The following CLIP1 variants were observed in gnomAD, a reference collection of about 807,000 sequenced individuals.
CLIP1 encodes CAP-Gly domain-containing linker protein 1.
A neutral mutation model predicts 161.6 loss-of-function variants in CLIP1; 66 were observed. The ratio of observed to expected loss-of-function variants is 0.41; its 90% CI spans 0.33 to 0.50. The LOEUF (loss-of-function observed/expected upper bound fraction) is 0.50, where lower values mean the gene tolerates loss of function less well. Ranked by LOEUF, CLIP1 falls within the 20% of genes least tolerant of loss-of-function variation. CLIP1 has a pLI of 0.27. For synonymous variants in CLIP1, 598 were observed against 626.2 expected, an observed-to-expected ratio of 0.96 and a Z score of 0.67; for missense variants, 1,376 against 1,702.0, an observed-to-expected ratio of 0.81 and a Z score of 3.37.
chr12:122,422,779 C>A, upstream of CLIP1: 1 of 99,420 alleles, frequency 1.0e-5, no homozygotes, highest in South Asian at 2.9e-4. Flanking sequence ...GGCCCGCGCC[C>A]GGCCCCGCGC....
chr12:122,330,597 G>T (rs201540742), intron 15 of CLIP1, among the ~76,000 whole-genome samples: 4 of 101,380 alleles, frequency 3.9e-5, no homozygotes, highest in Admixed American at 1.2e-4. Context: ...GTATAATGCA[G>T]TTTTTTTTTT....
chr12:122,368,268 G>A (rs570018298), intron 3 of CLIP1, among the ~76,000 whole-genome samples: 14 of 152,300 alleles, frequency 9.2e-5, no homozygotes, highest in African/African-American at 3.4e-4. Flanking sequence ...TGGCCATTGA[G>A]GGAGACAGAC....
In CLIP1 at chr12:122,390,380, C is replaced by T. The variant is rs367800059; in HGVS notation, c.-106-9822G>A. On this transcript the variant is annotated intron_variant, in intron 1 of 25. Coordinates refer to ENST00000620786, the MANE Select transcript of CLIP1 (RefSeq NM_001247997.2). ...AGGCTGAAGTGCAGTGGCACAATCTCGGCTCACTGCAACCTCCACCTCCTG... is the reference window on the plus strand; with the variant it reads ...AGGCTGAAGTGCAGTGGCACAATCTTGGCTCACTGCAACCTCCACCTCCTG... Among the ~76,000 whole-genome samples, 12 of 148,696 alleles carry T rather than the reference C, an allele frequency of 8.1e-5. No homozygotes were observed. The South Asian group carries it at 2.3e-3, about 29-fold the overall frequency.
chr12:122,379,520 C>T (rs1477949934), intron 2 of CLIP1, among the ~76,000 whole-genome samples: 3 of 151,600 alleles, frequency 2.0e-5, no homozygotes, highest in African/African-American at 7.3e-5. Flanking sequence ...ACGCTGAGAG[C>T]CATGACAGTA....
chr12:122,379,367 A>C (rs1200294255), intron 2 of CLIP1, among the ~76,000 whole-genome samples: 1 of 151,450 alleles, frequency 6.6e-6, no homozygotes, highest in African/African-American at 2.4e-5. Context: ...TAATCCCAGC[A>C]CTTTGGGAAG....
At chr12:122,318,174 G>T (rs574953452) in intron 18 of CLIP1, among the ~76,000 whole-genome samples, 14 of 152,134 alleles carry the variant, frequency 9.2e-5, no homozygotes, top group Non-Finnish European at 2.1e-4. Flanking sequence ...CTTTACAGTG[G>T]CTCCTCAGTT....
intron 21 of CLIP1, among the ~76,000 whole-genome samples, chr12:122,283,125 A>T (rs1243058463): frequency 1.3e-5 from 2 of 152,202 alleles, no homozygotes; most frequent in South Asian, 2.1e-4. Context: ...GACACTAAAA[A>T]GCCTAGAGAA....
intron 3 of CLIP1, among the ~76,000 whole-genome samples, chr12:122,366,039 C>T (rs959065247): frequency 2.0e-5 from 3 of 151,590 alleles, no homozygotes; most frequent in Admixed American, 6.6e-5. Context: ...AGGCCAGGCA[C>T]GATGGCTCAC....
chr12:122,395,036 T>C (rs1203305649), intron 1 of CLIP1, among the ~76,000 whole-genome samples: 2 of 152,172 alleles, frequency 1.3e-5, no homozygotes, highest in African/African-American at 4.8e-5. Context: ...TGCATCTGAA[T>C]TGAGACCTCT....
rs980784740 is a variant in CLIP1 at position 122,336,543 on chromosome 12, G to C, written c.2568+89C>G. The stretch of plus-strand genomic sequence containing the variant: ...TGAATCAACACTTAGAAAGAGAAAG[G>C]AAACAGCTACAATATTTCTTACTGG... On this transcript the variant is annotated intron_variant, in intron 12 of 25. Coordinates refer to ENST00000620786, the MANE Select transcript of CLIP1 (RefSeq NM_001247997.2). 1.3e-5 allele frequency: 9 copies of C among 697,086 alleles called. No homozygotes were observed. In the African/African-American group the frequency reaches 1.6e-4, roughly 12 times the overall value. 43.2% of individuals were successfully genotyped at this position (697,086 alleles called of 1,614,324 possible). A position where few individuals can be genotyped will look rare whatever the true frequency, so the allele number is the denominator to read the frequency against.
At chr12:122,345,274 C>G (rs1952692210) in intron 10 of CLIP1, among the ~76,000 whole-genome samples, 1 of 151,490 alleles carries the variant, frequency 6.6e-6, no homozygotes, top group Admixed American at 6.6e-5. Flanking sequence ...CTCCTGGGCT[C>G]AAGAGATCCT....
At chr12:122,329,156 G>A (rs1407241166) in intron 15 of CLIP1, among the ~76,000 whole-genome samples, 5 of 151,912 alleles carry the variant, frequency 3.3e-5, no homozygotes, top group East Asian at 1.9e-4. Flanking sequence ...GCGAAACCCC[G>A]TCTCTACTAA....
rs1325492674 is a variant in CLIP1 at position 122,309,792 on chromosome 12, T to C, written c.3564A>G (p.Arg1188=). The C allele has an allele frequency of 6.2e-7, 1 of 1,612,972 alleles. No individual in the cohort carries two copies. The highest frequency in any genetic ancestry group is 1.3e-5 in the African/African-American group (1 of 74,892). Residue 1188 remains arginine, a synonymous_variant, in exon 20 of 26, where the codon AGA becomes AGG. Transcript: ENST00000620786. ...GATGACTTGTGACTTCGTCCCTGCT[T>C]CTCCCCAGCTCCTCAGCAAGTTTAA... ...ENVKLAEELG[R]SRDEVTSHQK... is the part of the protein sequence containing the mutation.
At chr12:122,389,367 C>G (rs1387590699) in intron 1 of CLIP1, among the ~76,000 whole-genome samples, 1 of 152,180 alleles carries the variant, frequency 6.6e-6, no homozygotes, top group Non-Finnish European at 1.5e-5. Flanking sequence ...TTAAATGACT[C>G]TACAAACCAG....
In CLIP1 at chr12:122,351,033, G is replaced by A. The variant is rs551394141; in HGVS notation, c.1401+78C>T. On this transcript the variant is annotated intron_variant, in intron 9 of 25. Coordinates refer to ENST00000620786, the MANE Select transcript of CLIP1 (RefSeq NM_001247997.2). ...GTCAGATTATGCAGTTAGTGTTTGA[G>A]TATATCAATAAGCATTTTAATCTGT... 8.4e-6 allele frequency: 9 copies of A among 1,069,504 alleles called. No individual in the cohort carries two copies. The Admixed American group carries it at 1.1e-4, about 13-fold the overall frequency. The allele number at this position is 1,069,504 out of a possible 1,614,324, so 66.3% of individuals were successfully genotyped here.
At chr12:122,415,023 A>G (rs1593276515) in intron 1 of CLIP1, among the ~76,000 whole-genome samples, 1 of 151,880 alleles carries the variant, frequency 6.6e-6, no homozygotes, top group Admixed American at 6.6e-5. Context: ...ACACCAGTAC[A>G]CTCCAGCCTC....
At position 122,278,888 on chromosome 12, in the gene CLIP1, G is replaced by T. The variant is rs1955537318; in HGVS notation, c.3820C>A (p.Gln1274Lys). 6.2e-7 allele frequency: 1 copy of T among 1,613,362 alleles called. No homozygotes were observed. The highest frequency in any genetic ancestry group is 8.5e-7 in the Non-Finnish European group (1 of 1,179,748). Residue 1274 changes from glutamine to lysine, a missense_variant, in exon 23 of 26, where the codon CAG becomes AAG. Gln to Lys is a moderately conservative substitution (Grantham distance 53, BLOSUM62 1). This residue lies in a region of CLIP1 where 948 missense variants were observed against 1,134.8 expected (regional missense o/e 0.84). Coordinates refer to ENST00000620786, the MANE Select transcript of CLIP1 (RefSeq NM_001247997.2). The stretch of plus-strand genomic sequence containing the variant: ...TTCACCTTATCAGACTCTAGAGTCT[G>T]AACAACTGAATGCAAGGACTTGGCA... Reference protein sequence around the residue: ...ASAKSLHSVVQTLESDKVKLE... With the variant: ...ASAKSLHSVVKTLESDKVKLE...
At chr12:122,303,997 G>A (rs941942887) in intron 20 of CLIP1, among the ~76,000 whole-genome samples, 1 of 152,168 alleles carries the variant, frequency 6.6e-6, no homozygotes, top group African/African-American at 2.4e-5. Flanking sequence ...GGGGGTACCC[G>A]CCCGGACTGC....
chr12:122,331,337 C>T (rs1270550830), intron 15 of CLIP1, among the ~76,000 whole-genome samples: 1 of 151,150 alleles, frequency 6.6e-6, no homozygotes, highest in Non-Finnish European at 1.5e-5. Flanking sequence ...TTTTTTGAGA[C>T]GGAGTCTAGC....
Sources: allele counts gnomAD v4.1 joint callset (sites outside exome capture counted in the v4.1 genomes callset), GRCh38; gene constraint gnomAD v4.1.1; regional missense constraint gnomAD v4.1.1; transcripts MANE v1.5; gene names NCBI Gene and HGNC (gene_info 2026-07-23, HGNC 2026-07-21).